Variants in CDH13 observed in about 807,000 individuals in gnomAD.
The protein encoded by CDH13 is cadherin-13.
In CDH13, 24 loss-of-function variants were observed where a neutral mutation model predicts 63.8. The observed-to-expected ratio is 0.38, with a 90% CI of 0.27 to 0.53. CDH13 has a LOEUF of 0.53. Ranked by LOEUF, CDH13 falls within the 20% of genes least tolerant of loss-of-function variation. The pLI, the probability that CDH13 is intolerant of heterozygous loss-of-function variation, is 0.85. For synonymous variants in CDH13, 503 were observed against 355.3 expected (o/e 1.42, Z -4.67); for missense variants, 1,049 against 903.1 (o/e 1.16, Z -2.07).
At chr16:83,350,283 C>G (rs574452193) in intron 6 of CDH13, among the ~76,000 whole-genome samples, 12 of 152,348 alleles carry the variant, frequency 7.9e-5, no homozygotes, top group African/African-American at 2.9e-4. Context: ...GCCCCCCACC[C>G]TGGACGGGTG....
chr16:82,890,649 T>TC (rs2041047542), intron 2 of CDH13, among the ~76,000 whole-genome samples: 1 of 104,110 alleles, frequency 9.6e-6, no homozygotes, highest in Non-Finnish European at 2.0e-5. Context: ...TGAGAGACAT[T>TC]CTTTTTTTTT....
At chr16:83,132,785 G>C (rs540388764) in intron 4 of CDH13, among the ~76,000 whole-genome samples, 1 of 152,154 alleles carries the variant, frequency 6.6e-6, no homozygotes, top group Non-Finnish European at 1.5e-5. Flanking sequence ...CCATAGGCTA[G>C]AGTATAGGAG....
chr16:83,010,790 T>A (rs1228425929), intron 2 of CDH13, among the ~76,000 whole-genome samples: 1 of 152,210 alleles, frequency 6.6e-6, no homozygotes, highest in African/African-American at 2.4e-5. Context: ...TGCGGGGACA[T>A]CTACTTGTTC....
At chr16:83,261,913 A>G (rs868321537) in intron 5 of CDH13, among the ~76,000 whole-genome samples, 1 of 152,056 alleles carries the variant, frequency 6.6e-6, no homozygotes, top group South Asian at 2.1e-4. Context: ...CTGATAACAA[A>G]TGTGTGAGTT....
intron 6 of CDH13, among the ~76,000 whole-genome samples, chr16:83,461,129 C>G (rs966814052): frequency 2.0e-5 from 3 of 151,994 alleles, no homozygotes; most frequent in African/African-American, 7.3e-5. Context: ...ATTTCTTAAG[C>G]TGGGTGGTGG....
intron 4 of CDH13, among the ~76,000 whole-genome samples, chr16:83,205,413 A>G (rs556779321): frequency 2.6e-5 from 4 of 152,258 alleles, no homozygotes; most frequent in African/African-American, 9.6e-5. Flanking sequence ...TCCTCCTCCA[A>G]TCTGCTGAGG....
intron 5 of CDH13, among the ~76,000 whole-genome samples, chr16:83,273,852 G>T (rs12325222): frequency 1.3e-5 from 2 of 152,144 alleles, no homozygotes; most frequent in Non-Finnish European, 2.9e-5. Flanking sequence ...AGGCTCAGAG[G>T]GGTGAAAAGG....
chr16:82,784,185 T>C (rs2035895895), intron 1 of CDH13, among the ~76,000 whole-genome samples: 1 of 152,220 alleles, frequency 6.6e-6, no homozygotes, highest in South Asian at 2.1e-4. Context: ...TGGGTGTTTC[T>C]TCTATGAAGC....
At chr16:83,464,881 G>A (rs1458452385) in intron 6 of CDH13, among the ~76,000 whole-genome samples, 1 of 152,162 alleles carries the variant, frequency 6.6e-6, no homozygotes, top group Non-Finnish European at 1.5e-5. Context: ...GACCTCAAGT[G>A]ATCTCCCTGC....
intron 5 of CDH13, among the ~76,000 whole-genome samples, chr16:83,235,108 G>C (rs561021243): frequency 6.6e-6 from 1 of 152,322 alleles, no homozygotes; most frequent in African/African-American, 2.4e-5. Flanking sequence ...GGGAGGCTAA[G>C]GTGGGAGGAT....
chr16:83,084,083 G>C (rs952440018), intron 3 of CDH13, among the ~76,000 whole-genome samples: 2 of 152,188 alleles, frequency 1.3e-5, no homozygotes, highest in Non-Finnish European at 2.9e-5. Context: ...AAATCCTAAT[G>C]TGGCAAAAAC....
intron 1 of CDH13, among the ~76,000 whole-genome samples, chr16:82,663,305 G>C (rs995674887): frequency 4.6e-5 from 7 of 152,200 alleles, no homozygotes; most frequent in African/African-American, 2.4e-5. Flanking sequence ...TCTTGCCTCA[G>C]CCTCTGGAGT....
chr16:82,852,779 G>A (rs1167296269), intron 1 of CDH13, among the ~76,000 whole-genome samples: 1 of 152,162 alleles, frequency 6.6e-6, no homozygotes, highest in Non-Finnish European at 1.5e-5. Flanking sequence ...TTGGAGAGGG[G>A]CACTCTACAT....
chr16:83,630,889 C>G (rs1910720478), intron 8 of CDH13, among the ~76,000 whole-genome samples: 1 of 152,168 alleles, frequency 6.6e-6, no homozygotes, highest in Admixed American at 6.5e-5. Flanking sequence ...TAGGTCCCAG[C>G]TAGACTTTTC....
Position 82,627,062 on chromosome 16 carries a change from A to T in CDH13, c.-31A>T, listed in dbSNP as rs1325517140. On this transcript the variant is annotated 5_prime_UTR_variant, in exon 1 of 14. Transcript: ENST00000567109. ...TCAGTGCAGCCGCGTGCATGAATGA[A>T]AACGCCGCCGGGCGCTTCTAGTCGG... The T allele has an allele frequency of 6.3e-7, 1 of 1,581,912 alleles. No individual in the cohort carries two copies. Among genetic ancestry groups the T allele is most frequent in the Admixed American group, 1.8e-5 (1 of 55,798 alleles).
chr16:83,591,744 T>C (rs535594076), intron 7 of CDH13, among the ~76,000 whole-genome samples: 6 of 152,238 alleles, frequency 3.9e-5, no homozygotes, highest in Non-Finnish European at 5.9e-5. Context: ...TAGCACAGGC[T>C]GCCTGCTGCC....
chr16:83,222,974 C>G (rs528888022), intron 5 of CDH13, among the ~76,000 whole-genome samples: 1 of 152,188 alleles, frequency 6.6e-6, no homozygotes, highest in East Asian at 1.9e-4. Flanking sequence ...CCTCTACCCA[C>G]TAGATGCCAG....
chr16:83,662,181 T>C (rs1913500556), intron 8 of CDH13, among the ~76,000 whole-genome samples: 1 of 152,208 alleles, frequency 6.6e-6, no homozygotes, highest in South Asian at 2.1e-4. Context: ...TTCCTTATTA[T>C]TTTTGAACTA....
chr16:83,649,534 G>C (rs1424085610), intron 8 of CDH13, among the ~76,000 whole-genome samples: 1 of 152,156 alleles, frequency 6.6e-6, no homozygotes, highest in Non-Finnish European at 1.5e-5. Context: ...GACCTGCAAG[G>C]AGAAATAAGT....
Sources: gnomAD v4.1 joint callset for allele counts (sites outside exome capture counted in the v4.1 genomes callset) on GRCh38, gnomAD v4.1.1 for gene constraint, MANE v1.5 for transcripts, NCBI Gene and HGNC (gene_info 2026-07-23, HGNC 2026-07-21) for gene names.